AZIN1: variants seen among roughly 807,000 people sequenced by gnomAD.
AZIN1 encodes the protein antizyme inhibitor 1.
Under a neutral mutation model 47.4 loss-of-function variants are expected in AZIN1, and 12 were observed. That is an observed-to-expected ratio of 0.25 (90% CI 0.16 to 0.41). The LOEUF (loss-of-function observed/expected upper bound fraction) is 0.41. Among genes scored for constraint, AZIN1 ranks in the 10% least tolerant of loss-of-function variants. AZIN1 has a pLI of 1.00. For missense variants in AZIN1, 410 were observed against 532.4 expected, an observed-to-expected ratio of 0.77 and a Z score of 2.26; for synonymous variants, 155 against 176.3, an observed-to-expected ratio of 0.88 and a Z score of 0.96.
At chr8:102,852,904 G>A (rs1813008469) in intron 2 of AZIN1, among the ~76,000 whole-genome samples, 1 of 152,166 alleles carries the variant, frequency 6.6e-6, no homozygotes, top group Non-Finnish European at 1.5e-5. Flanking sequence ...ACTTCAACTT[G>A]GAAGAGTCTC....
chr8:102,837,172 G>A lies in AZIN1; in HGVS notation c.450-782C>T, dbSNP rs573497402. On this transcript the variant is annotated intron_variant, in intron 5 of 11. Transcript: ENST00000337198. ...TGACTTCAAGTGATCCACCCGCCTC[G>A]GCCTCCCCAAGTGCTGGGATTACAG... is the stretch of plus-strand genomic sequence containing the variant. Among the ~76,000 whole-genome samples, 10 of 152,124 alleles carry A rather than the reference G, an allele frequency of 6.6e-5. No individual in the cohort carries two copies. The South Asian group carries it at 1.9e-3, about 28-fold the overall frequency.
chr8:102,834,344 A>G (rs1586160440), intron 7 of AZIN1, 81 bp from the exon 8 acceptor site: 1 of 1,162,374 alleles, frequency 8.6e-7, no homozygotes, highest in Non-Finnish European at 1.3e-6. Context: ...CCTCCTAGGG[A>G]GGTAAATATC....
intron 2 of AZIN1, among the ~76,000 whole-genome samples, chr8:102,847,645 G>C (rs1367828731): frequency 1.3e-5 from 2 of 151,274 alleles, no homozygotes; most frequent in Admixed American, 1.3e-4. Flanking sequence ...GCCCACCGAA[G>C]CCTCAACCAC....
At chr8:102,851,551 C>CA (rs1812919535) in intron 2 of AZIN1, among the ~76,000 whole-genome samples, 1 of 152,012 alleles carries the variant, frequency 6.6e-6, no homozygotes, top group Non-Finnish European at 1.5e-5. Flanking sequence ...ACTAAAAATA[C>CA]AAAAATTAGC....
At chr8:102,841,812 A>T (rs973089198) in intron 3 of AZIN1, among the ~76,000 whole-genome samples, 1 of 149,746 alleles carries the variant, frequency 6.7e-6, no homozygotes, top group African/African-American at 2.4e-5. Flanking sequence ...ATATAAAAAA[A>T]AAAAAAAAAA....
Position 102,855,741 on chromosome 8 carries a change from T to C in AZIN1, c.-96+2272A>G, listed in dbSNP as rs545683855. On this transcript the variant is annotated intron_variant, in intron 2 of 11. Coordinates refer to ENST00000337198, the MANE Select transcript of AZIN1 (RefSeq NM_148174.4). ...TTTTAATGGTTTTCAAATAATATTGTTGATCTACAGAAAATTAACCCCAGG... is the reference window on the plus strand; with the variant it reads ...TTTTAATGGTTTTCAAATAATATTGCTGATCTACAGAAAATTAACCCCAGG... 9.8e-5 allele frequency: 15 copies of C among 152,348 alleles called. No homozygotes were observed. In the Middle Eastern group the frequency reaches 0.01, roughly 104 times the overall value. 9.4% of individuals were successfully genotyped at this position (152,348 alleles called of 1,614,324 possible).
At chr8:102,832,778 T>G (rs2131199322) in intron 9 of AZIN1, among the ~76,000 whole-genome samples, 1 of 152,150 alleles carries the variant, frequency 6.6e-6, no homozygotes, top group Non-Finnish European at 1.5e-5. Flanking sequence ...GTAGCCGGGA[T>G]TACAGGTGTG....
intron 3 of AZIN1, among the ~76,000 whole-genome samples, chr8:102,840,795 TCA>T (rs1420801267): frequency 6.6e-6 from 1 of 152,178 alleles, no homozygotes; most frequent in Non-Finnish European, 1.5e-5. Flanking sequence ...ACTCTTTAAT[TCA>T]CAGTATTTGA....
At chr8:102,841,519 T>C (rs1328285339) in intron 3 of AZIN1, among the ~76,000 whole-genome samples, 1 of 152,096 alleles carries the variant, frequency 6.6e-6, no homozygotes, top group Non-Finnish European at 1.5e-5. Flanking sequence ...CAGTGGCAAC[T>C]GAAGAATGGC....
chr8:102,828,605 G>A lies in AZIN1; in HGVS notation c.1309C>T (p.Gln437Ter), dbSNP rs1811235397. The A allele has an allele frequency of 6.2e-7, 1 of 1,611,314 alleles. No homozygotes were observed. The highest frequency in any genetic ancestry group is 8.5e-7 in the Non-Finnish European group (1 of 1,177,870). Residue 437 changes from glutamine (Q) to a stop codon, truncating the protein, a stop_gained, in exon 12 of 12, where the codon CAG becomes TAG. Coordinates refer to ENST00000337198, the MANE Select transcript of AZIN1 (RefSeq NM_148174.4). LOFTEE classifies it high-confidence loss of function. ...KNFFFVPSCI[Q>*]LSQEDSFSAE... is the part of the protein sequence containing the mutation. ...GAAAAGCTGTCTTCTTGGCTCAGCTGAATGCAAGAAGGCACAAAGAAGAAG... is the reference window on the plus strand; with the variant it reads ...GAAAAGCTGTCTTCTTGGCTCAGCTAAATGCAAGAAGGCACAAAGAAGAAG...
At chr8:102,859,407 T>C (rs1352723080) in intron 1 of AZIN1, among the ~76,000 whole-genome samples, 2 of 152,232 alleles carry the variant, frequency 1.3e-5, no homozygotes, top group African/African-American at 4.8e-5. Flanking sequence ...TCCACAGCTA[T>C]TTTGCTGCTT....
intron 5 of AZIN1, 84 bp from the exon 6 acceptor site, chr8:102,836,474 T>C: frequency 7.0e-7 from 1 of 1,436,792 alleles, no homozygotes; most frequent in Non-Finnish European, 9.6e-7. Flanking sequence ...AGGAAGTGTG[T>C]TGATTATGTT....
chr8:102,845,897 C>A (rs1268490268), intron 2 of AZIN1, among the ~76,000 whole-genome samples: 2 of 152,006 alleles, frequency 1.3e-5, no homozygotes, highest in African/African-American at 4.8e-5. Context: ...AGAGGTAAAA[C>A]GAAACCATTT....
chr8:102,833,235 C>A lies in AZIN1; in HGVS notation c.742-17G>T. 1 of 1,601,994 alleles carries A rather than the reference C, an allele frequency of 6.2e-7. No individual in the cohort carries two copies. Among genetic ancestry groups the A allele is most frequent in the Non-Finnish European group, 8.5e-7 (1 of 1,174,078 alleles). On this transcript the variant is annotated splice_polypyrimidine_tract_variant and intron_variant, in intron 8 of 11. Transcript: ENST00000337198. ...ATGATTAACCTATGGATTTTAAATG[C>A]CACAGTATGGTTTCAATATTGGATT... is the stretch of plus-strand genomic sequence containing the variant.
chr8:102,842,918 C>CAA (rs141858677), intron 3 of AZIN1, among the ~76,000 whole-genome samples: 4 of 146,776 alleles, frequency 2.7e-5, no homozygotes, highest in African/African-American at 1.0e-4. Context: ...AACAAGCAAG[C>CAA]AAAAAAAAAG....
chr8:102,855,511 A>T (rs1563549357), intron 2 of AZIN1: 1 of 152,264 alleles, frequency 6.6e-6, no homozygotes, highest in Non-Finnish European at 1.5e-5. Context: ...GAAAAGGATT[A>T]TGTAAGCAAC....
At chr8:102,839,015 G>C in intron 4 of AZIN1, 99 bp from the exon 5 acceptor site, 2 of 1,073,314 alleles carry the variant, frequency 1.9e-6, no homozygotes, top group Non-Finnish European at 2.6e-6. Flanking sequence ...TTAAAACCAG[G>C]GTCTCACTCT....
Position 102,847,350 on chromosome 8 carries a change from T to TAA in AZIN1, c.-95-3605_-95-3604dup, listed in dbSNP as rs34083752. On this transcript the variant is annotated intron_variant, in intron 2 of 11. Transcript: ENST00000337198. Reference sequence around the variant, plus strand: ...AGCAATATAGGGAGAACCCATCTCTTAAAAAAAAAAAAAAAAAAACAATAA... The same window carrying TAA: ...AGCAATATAGGGAGAACCCATCTCTTAAAAAAAAAAAAAAAAAAAAACAATAA... 5.5e-3 allele frequency among the ~76,000 whole-genome samples: 732 copies of TAA among 133,742 alleles called. 11 individuals are homozygous for TAA. Among genetic ancestry groups the TAA allele is most frequent in the Non-Finnish European group, 6.9e-3 (435 of 62,680 alleles). The allele number at this position is 133,742 out of a possible 152,430, so 87.7% of individuals were successfully genotyped here. A position where few individuals can be genotyped will look rare whatever the true frequency, so the allele number is the denominator to read the frequency against.
chr8:102,850,953 AAAT>A (rs1812880054), intron 2 of AZIN1, among the ~76,000 whole-genome samples: 1 of 152,226 alleles, frequency 6.6e-6, no homozygotes, highest in Non-Finnish European at 1.5e-5. Flanking sequence ...GCCTCACCAT[AAAT>A]ATTAAAATGT....
Sources: gnomAD v4.1 joint callset for allele counts (sites outside exome capture counted in the v4.1 genomes callset) on GRCh38, gnomAD v4.1.1 for gene constraint, MANE v1.5 for transcripts, NCBI Gene and HGNC (gene_info 2026-07-23, HGNC 2026-07-21) for gene names.